MYO9A: variants seen among roughly 807,000 people sequenced by gnomAD.
MYO9A encodes the protein unconventional myosin-IXa.
In MYO9A, 103 loss-of-function variants were observed where a neutral mutation model predicts 293.3. The observed-to-expected ratio is 0.35, with a 90% CI of 0.30 to 0.41. The LOEUF (loss-of-function observed/expected upper bound fraction) is 0.41. Among genes scored for constraint, MYO9A ranks in the 10% least tolerant of loss-of-function variants. MYO9A has a pLI of 1.00. For synonymous variants in MYO9A, 1,001 were observed against 1,035.7 expected (o/e 0.97, Z 0.64); for missense variants, 2,685 against 3,033.0 (o/e 0.89, Z 2.69).
intron 12 of MYO9A, among the ~76,000 whole-genome samples, chr15:71,970,536 G>GT (rs1156887294): frequency 2.6e-5 from 4 of 152,130 alleles, no homozygotes; most frequent in South Asian, 4.1e-4. Context: ...TTTCAATCTA[G>GT]TTTTTTTACA....
intron 19 of MYO9A, among the ~76,000 whole-genome samples, chr15:71,911,594 C>A (rs1486118143): frequency 6.6e-6 from 1 of 152,174 alleles, no homozygotes; most frequent in African/African-American, 2.4e-5. Flanking sequence ...CAAGCAACAG[C>A]ATGTGTATGA....
intron 1 of MYO9A, among the ~76,000 whole-genome samples, chr15:72,113,415 A>G (rs1488363682): frequency 6.6e-6 from 1 of 152,226 alleles, no homozygotes; most frequent in Non-Finnish European, 1.5e-5. Context: ...ACATTACCTG[A>G]GAGGAAGCCT....
rs547845858 is a variant in MYO9A at position 72,118,085 on chromosome 15, C to T, written c.-477G>A. ...CCCTTATCCGCTTCGGTCGCGCGCC[C>T]CCGACCCCGCGCACGCGGCCCCGCC... On this transcript the variant is annotated 5_prime_UTR_variant, in exon 1 of 42. Transcript: ENST00000356056. 2.2e-4 allele frequency: 86 copies of T among 393,444 alleles called. No individual in the cohort carries two copies. The highest frequency in any genetic ancestry group is 1.5e-3 in the African/African-American group (73 of 48,418). The allele number at this position is 393,444 out of a possible 1,614,324, so 24.4% of individuals were successfully genotyped here.
At chr15:72,002,828 G>A (rs758052132) in intron 8 of MYO9A, among the ~76,000 whole-genome samples, 1 of 152,172 alleles carries the variant, frequency 6.6e-6, no homozygotes, top group Non-Finnish European at 1.5e-5. Flanking sequence ...GAGTGGGGCT[G>A]TAAGGGTTGA....
Position 71,960,053 on chromosome 15 carries a change from A to G in MYO9A, c.2030T>C (p.Val677Ala), listed in dbSNP as rs888359210. ...ATTCTTGCTGCTTCTCAGAAGAGCT[A>G]CAATGTCTGGGCGCATATGATCTGT... ...KNTDHMRPDI[V>A]ALLRSSKNAF... Residue 677 changes from valine (V) to alanine (A), a missense_variant, in exon 14 of 42, where the codon GTA becomes GCA. Val to Ala is a moderately conservative substitution (Grantham distance 64). Coordinates refer to ENST00000356056, the MANE Select transcript of MYO9A (RefSeq NM_006901.4). 5.0e-6 allele frequency: 8 copies of G among 1,614,094 alleles called. No homozygotes were observed. Among genetic ancestry groups the G allele is most frequent in the Non-Finnish European group, 5.1e-6 (6 of 1,179,964 alleles).
chr15:71,963,389 A>G (rs990753719), intron 13 of MYO9A, among the ~76,000 whole-genome samples: 4 of 150,680 alleles, frequency 2.7e-5, no homozygotes, highest in African/African-American at 9.8e-5. Flanking sequence ...CTGGCTGTGC[A>G]CTCATTTCTT....
At chr15:72,036,282 A>G (rs933053674) in intron 2 of MYO9A, among the ~76,000 whole-genome samples, 6 of 152,176 alleles carry the variant, frequency 3.9e-5, no homozygotes, top group African/African-American at 7.2e-5. Flanking sequence ...AAGATCATTG[A>G]GAGTGAGATT....
chr15:72,069,545 A>T (rs1296687964), intron 1 of MYO9A, among the ~76,000 whole-genome samples: 1 of 152,226 alleles, frequency 6.6e-6, no homozygotes, highest in Non-Finnish European at 1.5e-5. Context: ...GAATCAATAC[A>T]AGATCTCTAG....
At position 71,898,878 on chromosome 15, in the gene MYO9A, A is replaced by G. The variant is rs1036956372; in HGVS notation, c.3625T>C (p.Cys1209Arg). Residue 1209 changes from cysteine (C) to arginine (R), a missense_variant, in exon 25 of 42, where the codon TGT becomes CGT. By Grantham distance (180) the Cys-to-Arg change is radical. This residue lies in a region of MYO9A where 1,434 missense variants were observed against 1,497.7 expected (regional missense o/e 0.96). Transcript: ENST00000356056. ...FDNRIKAIEE[C>R]KSVIESNRIS... Reference sequence around the variant, plus strand: ...CGATTACTCTCTATTACAGATTTACATTCCTCTATGGCTTTTATTCTGTTG... The same window carrying G: ...CGATTACTCTCTATTACAGATTTACGTTCCTCTATGGCTTTTATTCTGTTG... 2.5e-6 allele frequency: 4 copies of G among 1,614,090 alleles called. No individual in the cohort carries two copies. The African/African-American group carries it at 5.3e-5, about 22-fold the overall frequency.
At chr15:72,080,603 C>T (rs1475479257) in intron 1 of MYO9A, among the ~76,000 whole-genome samples, 2 of 151,376 alleles carry the variant, frequency 1.3e-5, no homozygotes, top group East Asian at 3.9e-4. Context: ...TGAAATTATA[C>T]TTTTTGGGTT....
chr15:72,063,692 T>C (rs939785894), intron 1 of MYO9A, among the ~76,000 whole-genome samples: 1 of 152,228 alleles, frequency 6.6e-6, no homozygotes, highest in Non-Finnish European at 1.5e-5. Flanking sequence ...GTAACACTTG[T>C]ACACCGTTGG....
At chr15:71,982,451 T>C (rs937879343) in intron 11 of MYO9A, among the ~76,000 whole-genome samples, 13 of 152,240 alleles carry the variant, frequency 8.5e-5, no homozygotes, top group African/African-American at 1.2e-4. Flanking sequence ...TTTCGCTTTA[T>C]GGTCCAGGAT....
At chr15:71,910,709 C>T (rs2057820405) in intron 19 of MYO9A, among the ~76,000 whole-genome samples, 1 of 152,156 alleles carries the variant, frequency 6.6e-6, no homozygotes, top group African/African-American at 2.4e-5. Flanking sequence ...GCATTTCCCT[C>T]ATGAATAATA....
rs1567169184 is a variant in MYO9A, at chr15:71,825,668, CG to C, written c.*911del. 4 of 152,148 alleles carry C rather than the reference CG, an allele frequency of 2.6e-5. No homozygotes were observed. Among genetic ancestry groups the C allele is most frequent in the African/African-American group, 9.7e-5 (4 of 41,424 alleles). 9.4% of individuals were successfully genotyped at this position (152,148 alleles called of 1,614,324 possible). On this transcript the variant is annotated 3_prime_UTR_variant, in exon 42 of 42. Coordinates refer to ENST00000356056, the MANE Select transcript of MYO9A (RefSeq NM_006901.4). ...ACCAGCAGATGAACAGGCTCATATG[CG>C]GTTTTCGGTTTAATCTATACAAAGA...
intron 25 of MYO9A, among the ~76,000 whole-genome samples, chr15:71,894,037 C>G (rs1159387247): frequency 6.6e-6 from 1 of 152,052 alleles, no homozygotes; most frequent in African/African-American, 2.4e-5. Context: ...AGAATAGTAG[C>G]TGCAAAATAA....
At chr15:71,838,573 A>G (rs1224514977) in intron 39 of MYO9A, among the ~76,000 whole-genome samples, 1 of 152,196 alleles carries the variant, frequency 6.6e-6, no homozygotes, top group Non-Finnish European at 1.5e-5. Context: ...AACTGTTCCT[A>G]AAATGAGAAT....
chr15:71,856,441 C>T (rs1261272042), intron 34 of MYO9A, among the ~76,000 whole-genome samples: 2 of 151,556 alleles, frequency 1.3e-5, no homozygotes, highest in African/African-American at 4.9e-5. Flanking sequence ...GGATAACAAA[C>T]AACTAATGAT....
At chr15:71,981,068 CTTAT>C (rs1327219588) in intron 11 of MYO9A, among the ~76,000 whole-genome samples, 4 of 151,738 alleles carry the variant, frequency 2.6e-5, no homozygotes, top group Non-Finnish European at 4.4e-5. Context: ...GTGTTTTCTC[CTTAT>C]TTATTAACAG....
chr15:71,904,878 G>A (rs767101080), intron 20 of MYO9A, 48 bp downstream of exon 20: 1 of 1,402,138 alleles, frequency 7.1e-7, no homozygotes, highest in Admixed American at 1.8e-5. Flanking sequence ...TTAAAGCTCA[G>A]TTTGAAGTAA....
Sources: gnomAD v4.1 joint callset for allele counts (sites outside exome capture counted in the v4.1 genomes callset) on GRCh38, gnomAD v4.1.1 for gene constraint, gnomAD v4.1.1 regional missense constraint, MANE v1.5 for transcripts, NCBI Gene and HGNC (gene_info 2026-07-23, HGNC 2026-07-21) for gene names.